PC: variants seen among roughly 807,000 people sequenced by gnomAD.
PC encodes the protein pyruvate carboxylase, mitochondrial.
In PC, 46 loss-of-function variants were observed where a neutral mutation model predicts 107.8. The observed-to-expected ratio is 0.43, with a 90% confidence interval of 0.34 to 0.55. PC has a LOEUF of 0.55. PC is among the 20% of genes least tolerant of loss of function. PC has a pLI of 0.04. For synonymous variants in PC, 662 were observed against 684.7 expected (o/e 0.97, Z 0.52); for missense variants, 1,241 against 1,643.1 (o/e 0.76, Z 4.23).
Position 66,866,317 on chromosome 11 carries a change from G to A in PC, c.1055C>T (p.Ala352Val). The A allele has an allele frequency of 6.2e-7, 1 of 1,612,988 alleles. No individual in the cohort carries two copies. The highest frequency in any genetic ancestry group is 8.5e-7 in the Non-Finnish European group (1 of 1,179,796). Residue 352 changes from alanine to valine, a missense_variant, in exon 11 of 23, where the codon GCT becomes GTT. Physicochemically the swap from Ala to Val is moderately conservative, Grantham distance 64. Transcript: ENST00000393960. This position sits in a 1 kb window ranked among gnomAD's most constrained non-coding sequence, Gnocchi z 5.4. ...CAGGTCGGGTAGGCTCCTGCCCTCAGCCACGTGGATCTGAGCATGGACCAG... is the reference window on the plus strand; with the variant it reads ...CAGGTCGGGTAGGCTCCTGCCCTCAACCACGTGGATCTGAGCATGGACCAG... Reference protein sequence around the residue: ...VDLVHAQIHVAEGRSLPDLGL... With the variant: ...VDLVHAQIHVVEGRSLPDLGL...
intron 12 of PC, chr11:66,859,664 C>T (rs1197552842): frequency 5.0e-6 from 8 of 1,613,094 alleles, no homozygotes; most frequent in Non-Finnish European, 5.9e-6. Flanking sequence ...GCCACCACTT[C>T]CTGCTGAAGC....
intron 12 of PC, chr11:66,860,283 T>C (rs1325286276): frequency 1.3e-6 from 2 of 1,506,582 alleles, no homozygotes; most frequent in South Asian, 1.2e-5. Context: ...AGTCCCTCCC[T>C]GGTTTTTATT....
rs1465352011 is a variant in PC at position 66,866,831 on chromosome 11, G to C, written c.1023-482C>G. 6.6e-6 allele frequency among the ~76,000 whole-genome samples: 1 copy of C among 152,208 alleles called. No individual in the cohort carries two copies. Among genetic ancestry groups the C allele is most frequent in the Non-Finnish European group, 1.5e-5 (1 of 68,044 alleles). ...TGTGGGTGGTTGTGAGGGGGGCAGTGTGCAAGGGAACAGGTGCTGTGAAGG... is the reference window on the plus strand; with the variant it reads ...TGTGGGTGGTTGTGAGGGGGGCAGTCTGCAAGGGAACAGGTGCTGTGAAGG... On this transcript the variant is annotated intron_variant, in intron 10 of 22. Coordinates refer to ENST00000393960, the MANE Select transcript of PC (RefSeq NM_001040716.2). The surrounding 1 kb of genome is among the most constrained non-coding windows in gnomAD (Gnocchi z 5.4).
At chr11:66,873,521 T>TATTATATA (rs1946856912) in intron 3 of PC, among the ~76,000 whole-genome samples, 1 of 85,276 alleles carries the variant, frequency 1.2e-5, no homozygotes, top group African/African-American at 4.7e-5. Flanking sequence ...TATTATATTA[T>TATTATATA]ATATTATAAT....
chr11:66,862,465 C>T (rs1205354742), intron 12 of PC, among the ~76,000 whole-genome samples: 1 of 152,222 alleles, frequency 6.6e-6, no homozygotes, highest in Non-Finnish European at 1.5e-5. Context: ...AACTGCGCCT[C>T]GATGACAGGC....
At chr11:66,908,916 C>T (rs1948250156) in intron 3 of PC, among the ~76,000 whole-genome samples, 1 of 152,172 alleles carries the variant, frequency 6.6e-6, no homozygotes, top group Non-Finnish European at 1.5e-5. Flanking sequence ...TCCGCCTCTT[C>T]TCTATCTTTT....
intron 3 of PC, among the ~76,000 whole-genome samples, chr11:66,881,586 C>T (rs997809188): frequency 1.3e-5 from 2 of 152,380 alleles, no homozygotes; most frequent in South Asian, 4.1e-4. Context: ...TTCCATAGCA[C>T]ACAACACATA....
intron 3 of PC, among the ~76,000 whole-genome samples, chr11:66,930,795 A>G (rs1040153507): frequency 6.6e-6 from 1 of 151,550 alleles, no homozygotes; most frequent in African/African-American, 2.4e-5. Flanking sequence ...CTGAGAGAGG[A>G]AAAAAAACAA....
intron 3 of PC, among the ~76,000 whole-genome samples, chr11:66,912,049 A>C (rs772677961): frequency 5.9e-5 from 9 of 152,052 alleles, no homozygotes; most frequent in Non-Finnish European, 1.3e-4. Flanking sequence ...AAAAGAAAAG[A>C]AAAGCAAACC....
chr11:66,931,195 A>G (rs1565294406), intron 3 of PC, among the ~76,000 whole-genome samples: 1 of 151,968 alleles, frequency 6.6e-6, no homozygotes, highest in Non-Finnish European at 1.5e-5. Flanking sequence ...CCTGGCCAAC[A>G]TGGTGAAACT....
At position 66,851,787 on chromosome 11, in the gene PC, C is replaced by A; in HGVS notation, c.1982+3G>T. 1 of 1,614,150 alleles carries A rather than the reference C, an allele frequency of 6.2e-7. No individual in the cohort carries two copies. The highest frequency in any genetic ancestry group is 1.1e-5 in the South Asian group (1 of 91,090). ...GCGTCTGCCCACCCCACCCCAGGCT[C>A]ACTTGAAGACCACGTTGTCTGGGTA... On this transcript the variant is annotated splice_donor_region_variant and intron_variant, in intron 16 of 22. Coordinates refer to ENST00000393960, the MANE Select transcript of PC (RefSeq NM_001040716.2).
chr11:66,900,425 G>A lies in PC; in HGVS notation c.1-28266C>T, dbSNP rs1041606122. 2.0e-5 allele frequency among the ~76,000 whole-genome samples: 3 copies of A among 152,124 alleles called. No homozygotes were observed. In the South Asian group the frequency reaches 6.2e-4, roughly 32 times the overall value. On this transcript the variant is annotated intron_variant, in intron 3 of 22. Coordinates refer to ENST00000393960, the MANE Select transcript of PC (RefSeq NM_001040716.2). The stretch of plus-strand genomic sequence containing the variant: ...GATCCGCCCGCCTTGGCCTCCCAAA[G>A]TGCTGGGATTACAGGTGCGAGCCAC...
chr11:66,925,779 G>A (rs986366705), intron 3 of PC, among the ~76,000 whole-genome samples: 2 of 152,180 alleles, frequency 1.3e-5, no homozygotes, highest in African/African-American at 4.8e-5. Context: ...AGAGATTGCA[G>A]TAAAGATAGA....
chr11:66,932,526 G>C (rs916870077), intron 3 of PC, among the ~76,000 whole-genome samples: 8 of 152,168 alleles, frequency 5.3e-5, no homozygotes, highest in African/African-American at 1.9e-4. Context: ...GCTAGCTGAT[G>C]TGGGACAAAA....
At chr11:66,861,210 G>A (rs996169822) in intron 12 of PC, among the ~76,000 whole-genome samples, 2 of 152,184 alleles carry the variant, frequency 1.3e-5, no homozygotes, top group African/African-American at 4.8e-5. Flanking sequence ...GGCCAGGCCC[G>A]GGCAGCCTCC....
chr11:66,928,213 C>A (rs937585727), intron 3 of PC, among the ~76,000 whole-genome samples: 9 of 152,066 alleles, frequency 5.9e-5, no homozygotes, highest in Non-Finnish European at 1.3e-4. Context: ...GGTGAAACCC[C>A]ATCTCTCCTA....
intron 3 of PC, among the ~76,000 whole-genome samples, chr11:66,900,178 GTTT>G (rs71045968): frequency 9.3e-6 from 1 of 107,434 alleles, no homozygotes; most frequent in Non-Finnish European, 1.7e-5. Context: ...CTCCAACGTT[GTTT>G]TTTTTTTTTT....
At chr11:66,886,671 G>A (rs1334804110) in intron 3 of PC, among the ~76,000 whole-genome samples, 1 of 152,174 alleles carries the variant, frequency 6.6e-6, no homozygotes, top group Non-Finnish European at 1.5e-5. Context: ...CAGCAGGGAA[G>A]GGTGGCCCTG....
chr11:66,892,199 G>C (rs1947602004), intron 3 of PC, among the ~76,000 whole-genome samples: 1 of 152,182 alleles, frequency 6.6e-6, no homozygotes, highest in African/African-American at 2.4e-5. Context: ...AGGCTCGGGT[G>C]AAAGACTGGC....
Sources: allele counts gnomAD v4.1 joint callset (sites outside exome capture counted in the v4.1 genomes callset), GRCh38; gene constraint gnomAD v4.1.1; non-coding constraint Gnocchi (gnomAD v3.1); transcripts MANE v1.5; gene names NCBI Gene and HGNC (gene_info 2026-07-23, HGNC 2026-07-21).